NTNG1: variants seen among roughly 807,000 people sequenced by gnomAD.
NTNG1 encodes netrin-G1.
A neutral mutation model predicts 54.0 loss-of-function variants in NTNG1; 16 were observed. The ratio of observed to expected loss-of-function variants is 0.30; its 90% CI spans 0.20 to 0.45. NTNG1 has a LOEUF of 0.45. NTNG1 is among the 20% of genes least tolerant of loss of function. The pLI is 1.00. For missense variants in NTNG1, 530 were observed against 678.7 expected (o/e 0.78, Z 2.43); for synonymous variants, 255 against 263.1 (o/e 0.97, Z 0.30).
chr1:107,438,299 C>T (rs984494691), intron 7 of NTNG1, among the ~76,000 whole-genome samples: 6 of 152,130 alleles, frequency 3.9e-5, no homozygotes, highest in Non-Finnish European at 8.8e-5. Context: ...TGGAGAGGAA[C>T]ACTGAAAGAC....
At chr1:107,349,830 C>T (rs1669495779) in intron 3 of NTNG1, among the ~76,000 whole-genome samples, 1 of 152,018 alleles carries the variant, frequency 6.6e-6, no homozygotes, top group Non-Finnish European at 1.5e-5. Flanking sequence ...TATCTATACT[C>T]CTGTCGATGG....
intron 2 of NTNG1, among the ~76,000 whole-genome samples, chr1:107,258,288 G>GA (rs1491390280): frequency 0.021 from 3,033 of 147,232 alleles, 89 homozygotes; most frequent in African/African-American, 0.062. Flanking sequence ...AGTGGTTGAG[G>GA]AAAAAAAAAA....
chr1:107,380,737 G>A (rs994514743), intron 3 of NTNG1, among the ~76,000 whole-genome samples: 1 of 152,132 alleles, frequency 6.6e-6, no homozygotes, highest in Non-Finnish European at 1.5e-5. Context: ...GGAAGGCCTT[G>A]CTCAGGACCT....
At position 107,188,019 on chromosome 1, in the gene NTNG1, T is replaced by C. The variant is rs540399633; in HGVS notation, c.246+39180T>C. ...ATACAAAGGACTGATTTATAATTAG[T>C]CCAGTTACTTACCTCTGTGTGTAAT... On this transcript the variant is annotated intron_variant, in intron 2 of 7. Transcript: ENST00000370068. Among the ~76,000 whole-genome samples, 15 of 151,868 alleles carry C rather than the reference T, an allele frequency of 9.9e-5. No homozygotes were observed. In the East Asian group the frequency reaches 2.9e-3, roughly 30 times the overall value.
At chr1:107,187,094 G>A (rs1242969167) in intron 2 of NTNG1, among the ~76,000 whole-genome samples, 2 of 152,228 alleles carry the variant, frequency 1.3e-5, no homozygotes, top group Admixed American at 6.5e-5. Context: ...GTTGCCTCTA[G>A]AGAGAGGCTT....
chr1:107,274,288 G>T (rs1557861540), intron 2 of NTNG1, among the ~76,000 whole-genome samples: 1 of 152,186 alleles, frequency 6.6e-6, no homozygotes, highest in East Asian at 1.9e-4. Flanking sequence ...AATTTTTAAA[G>T]TGCCATCAGA....
intron 7 of NTNG1, among the ~76,000 whole-genome samples, chr1:107,468,475 A>G (rs768549203): frequency 5.3e-5 from 8 of 152,240 alleles, no homozygotes; most frequent in Non-Finnish European, 1.0e-4. Flanking sequence ...GCCAGAATGT[A>G]GAATGTTTTA....
intron 3 of NTNG1, among the ~76,000 whole-genome samples, chr1:107,375,417 G>T (rs936155636): frequency 1.3e-5 from 2 of 152,174 alleles, no homozygotes; most frequent in African/African-American, 4.8e-5. Flanking sequence ...TGTTGCTGTT[G>T]TTTCAGGTGG....
At chr1:107,397,511 C>T (rs915365855) in intron 4 of NTNG1, among the ~76,000 whole-genome samples, 3 of 152,144 alleles carry the variant, frequency 2.0e-5, no homozygotes, top group African/African-American at 7.2e-5. Flanking sequence ...AGTAAGCTAA[C>T]CTCTCCAACA....
At chr1:107,407,343 C>A (rs2587904) in intron 4 of NTNG1, among the ~76,000 whole-genome samples, 145,104 of 152,164 alleles carry the variant, frequency 0.95, 69,571 homozygotes, top group East Asian at 1. Context: ...TTTGAACCAC[C>A]TACAAATGTT....
intron 7 of NTNG1, among the ~76,000 whole-genome samples, chr1:107,462,282 T>C (rs1346418507): frequency 6.6e-6 from 1 of 152,124 alleles, no homozygotes; most frequent in African/African-American, 2.4e-5. Flanking sequence ...GAACAGAACA[T>C]AATGATCAGG....
chr1:107,220,691 A>C (rs2101461986), intron 2 of NTNG1, among the ~76,000 whole-genome samples: 1 of 152,290 alleles, frequency 6.6e-6, no homozygotes, highest in Admixed American at 6.5e-5. Flanking sequence ...GTGAACATTA[A>C]CTGATTTAAA....
intron 3 of NTNG1, among the ~76,000 whole-genome samples, chr1:107,331,752 T>G (rs769653462): frequency 7.2e-5 from 11 of 152,102 alleles, no homozygotes; most frequent in Non-Finnish European, 1.2e-4. Context: ...TTCCTTTAAC[T>G]TCCACATATA....
At chr1:107,376,954 C>G (rs1207671398) in intron 3 of NTNG1, among the ~76,000 whole-genome samples, 1 of 152,178 alleles carries the variant, frequency 6.6e-6, no homozygotes, top group Non-Finnish European at 1.5e-5. Context: ...ATTGACTCAG[C>G]AGCAGAGCTT....
At chr1:107,217,932 C>T (rs4332381) in intron 2 of NTNG1, among the ~76,000 whole-genome samples, 141,774 of 152,234 alleles carry the variant, frequency 0.93, 66,786 homozygotes, top group East Asian at 1. Context: ...AGTTGTTGGG[C>T]AGAATGTTTT....
intron 2 of NTNG1, among the ~76,000 whole-genome samples, chr1:107,190,371 T>C (rs1422939904): frequency 1.3e-5 from 2 of 152,150 alleles, no homozygotes; most frequent in Non-Finnish European, 2.9e-5. Flanking sequence ...AAGAGCAAGA[T>C]GTCTTAGAAG....
chr1:107,412,885 C>T (rs137986926), intron 5 of NTNG1, among the ~76,000 whole-genome samples: 209 of 152,194 alleles, frequency 1.4e-3, no homozygotes, highest in Non-Finnish European at 1.9e-3. Flanking sequence ...GCCTACTCTG[C>T]GACAGTAAAC....
intron 3 of NTNG1, among the ~76,000 whole-genome samples, chr1:107,367,065 CGTGTGTGT>C (rs57282130): frequency 2.7e-5 from 4 of 148,440 alleles, no homozygotes; most frequent in East Asian, 2.0e-4. Context: ...TTTATCTGTT[CGTGTGTGT>C]GTGTGTGTGT....
At chr1:107,458,384 A>G (rs573803879) in intron 7 of NTNG1, among the ~76,000 whole-genome samples, 2 of 152,282 alleles carry the variant, frequency 1.3e-5, no homozygotes, top group South Asian at 2.1e-4. Flanking sequence ...TTCAAAAGGT[A>G]AAAAGCACTT....
Sources: allele counts gnomAD v4.1 joint callset (sites outside exome capture counted in the v4.1 genomes callset), GRCh38; gene constraint gnomAD v4.1.1; transcripts MANE v1.5; gene names NCBI Gene and HGNC (gene_info 2026-07-23, HGNC 2026-07-21).